The following STRBP variants were observed in gnomAD, a reference collection of about 807,000 sequenced individuals.
STRBP encodes spermatid perinuclear RNA binding protein.
STRBP carries 13 observed loss-of-function variants against 80.1 expected under a neutral mutation model. That is an observed-to-expected ratio of 0.16 (90% CI 0.11 to 0.26). The LOEUF is 0.26. Among genes scored for constraint, STRBP ranks in the 10% least tolerant of loss-of-function variants. The probability of loss-of-function intolerance (pLI) is 1.00; values close to 1 mark genes in which losing one functional copy is unlikely to be tolerated. For missense variants in STRBP, 485 were observed against 815.2 expected (o/e 0.59, Z 4.93); for synonymous variants, 284 against 291.2 (o/e 0.98, Z 0.25).
At chr9:123,156,251 A>T (rs2037279457) in intron 11 of STRBP, among the ~76,000 whole-genome samples, 1 of 152,190 alleles carries the variant, frequency 6.6e-6, no homozygotes, top group African/African-American at 2.4e-5. Flanking sequence ...TTCAATGCAC[A>T]GACAATGCTT....
At position 123,204,142 on chromosome 9, in the gene STRBP, AAC is replaced by A. The variant is rs779417747; in HGVS notation, c.-164-19846_-164-19845del. Among the ~76,000 whole-genome samples, 7 of 152,232 alleles carry A rather than the reference AAC, an allele frequency of 4.6e-5. No homozygotes were observed. In the East Asian group the frequency reaches 1.2e-3, roughly 25 times the overall value. On this transcript the variant is annotated intron_variant, in intron 2 of 18. Transcript: ENST00000348403. The stretch of plus-strand genomic sequence containing the variant: ...AAAACAATGTCTGGCACAAAAGAGA[AAC>A]ACAAACGAATTTCTCAAAATATTTT...
At chr9:123,157,942 G>A (rs753808213) in intron 11 of STRBP, 70 bp downstream of exon 11, 2 of 1,095,616 alleles carry the variant, frequency 1.8e-6, no homozygotes, top group Non-Finnish European at 2.8e-6. Flanking sequence ...AAGTTGTAAT[G>A]AGAGATGAAT....
At chr9:123,236,212 A>C (rs1237274351) in intron 2 of STRBP, among the ~76,000 whole-genome samples, 1 of 152,206 alleles carries the variant, frequency 6.6e-6, no homozygotes, top group Non-Finnish European at 1.5e-5. Flanking sequence ...TAGTACAGCA[A>C]AATTATTGGT....
At position 123,110,998 on chromosome 9, in the gene STRBP, A is replaced by G. The variant is rs1266092122; in HGVS notation, c.*85-1245T>C. On this transcript the variant is annotated intron_variant and NMD_transcript_variant, in intron 3 of 3. Transcript: ENST00000471564. The surrounding 1 kb of genome is among the most constrained non-coding windows in gnomAD (Gnocchi z 4.1). ...TGACCATGAAAAGTGATCGGGGGTAAGTAGAGGGATGCGTCTAATGGCAGC... is the reference window on the plus strand; with the variant it reads ...TGACCATGAAAAGTGATCGGGGGTAGGTAGAGGGATGCGTCTAATGGCAGC... 6.0e-6 allele frequency: 1 copy of G among 167,608 alleles called. No individual in the cohort carries two copies. Among genetic ancestry groups the G allele is most frequent in the Non-Finnish European group, 1.5e-5 (1 of 68,184 alleles). The allele number at this position is 167,608 out of a possible 1,614,324, so 10.4% of individuals were successfully genotyped here. A position where few individuals can be genotyped will look rare whatever the true frequency, so the allele number is the denominator to read the frequency against.
In STRBP at chr9:123,160,987, T is replaced by C. The variant is rs1312269921; in HGVS notation, c.617A>G (p.Lys206Arg). Residue 206 changes from lysine to arginine, a missense_variant, in exon 7 of 19, where the codon AAA becomes AGA. Coordinates refer to ENST00000348403, the MANE Select transcript of STRBP (RefSeq NM_018387.5). ...TAAGAAAAAGCCAACCTGAAACCAT[T>C]TGGCATGTCGAAGAGACGCCAAGGC... is the stretch of plus-strand genomic sequence containing the variant. ...LNALASLRHA[K>R]WFQARANGLK... 1.3e-6 allele frequency: 2 copies of C among 1,585,002 alleles called. No homozygotes were observed. The highest frequency in any genetic ancestry group is 8.5e-7 in the Non-Finnish European group (1 of 1,172,640).
intron 2 of STRBP, among the ~76,000 whole-genome samples, chr9:123,224,559 G>T (rs16926278): frequency 2.6e-5 from 4 of 152,078 alleles, no homozygotes; most frequent in Non-Finnish European, 5.9e-5. Context: ...CATTTACTAC[G>T]TGTTCTAGGC....
At chr9:123,188,441 AC>A (rs2038788727) in intron 2 of STRBP, among the ~76,000 whole-genome samples, 1 of 152,120 alleles carries the variant, frequency 6.6e-6, no homozygotes, top group South Asian at 2.1e-4. Context: ...GAAGATCGAG[AC>A]CATCCTGGCT....
intron 2 of STRBP, among the ~76,000 whole-genome samples, chr9:123,235,196 T>C (rs2040520021): frequency 6.6e-6 from 1 of 152,062 alleles, no homozygotes; most frequent in African/African-American, 2.4e-5. Context: ...CAGCATTCCT[T>C]GTCTGTGGTA....
At chr9:123,253,645 T>C (rs2040961725) in intron 1 of STRBP, among the ~76,000 whole-genome samples, 2 of 152,252 alleles carry the variant, frequency 1.3e-5, no homozygotes, top group South Asian at 2.1e-4. Context: ...AGTGTGAAGA[T>C]TAACAATAAT....
At chr9:123,120,483 G>A (rs1359635684), downstream of STRBP, among the ~76,000 whole-genome samples, 6 of 41,980 alleles carry the variant, frequency 1.4e-4, no homozygotes, top group East Asian at 9.0e-4. Context: ...AATTGCGGGC[G>A]GGGGGGTGGG....
intron 2 of STRBP, among the ~76,000 whole-genome samples, chr9:123,226,104 ACT>A (rs903730638): frequency 3.9e-5 from 6 of 152,154 alleles, no homozygotes; most frequent in Admixed American, 1.3e-4. Context: ...AAAGAAATGC[ACT>A]CCTGATACAT....
At chr9:123,207,839 A>G (rs2039575952) in intron 2 of STRBP, among the ~76,000 whole-genome samples, 1 of 152,250 alleles carries the variant, frequency 6.6e-6, no homozygotes, top group African/African-American at 2.4e-5. Flanking sequence ...GTAAAACATT[A>G]GAATATGAGA....
intron 13 of STRBP, among the ~76,000 whole-genome samples, chr9:123,145,990 G>A (rs1241739776): frequency 6.6e-6 from 1 of 151,732 alleles, no homozygotes; most frequent in Non-Finnish European, 1.5e-5. Context: ...CTCCATGAGA[G>A]CAGGAACTTT....
chr9:123,257,578 A>G (rs1281223663), intron 1 of STRBP, among the ~76,000 whole-genome samples: 2 of 152,330 alleles, frequency 1.3e-5, no homozygotes, highest in East Asian at 1.9e-4. Context: ...GCTTTGGGAT[A>G]CCCAGGCAGG....
chr9:123,258,541 C>T (rs548649309), intron 1 of STRBP, among the ~76,000 whole-genome samples: 10 of 152,268 alleles, frequency 6.6e-5, no homozygotes, highest in East Asian at 1.9e-4. Flanking sequence ...TGGTGGCTCA[C>T]GCCTGTAATC....
chr9:123,195,383 TTC>T (rs2132494564), intron 2 of STRBP, among the ~76,000 whole-genome samples: 1 of 152,268 alleles, frequency 6.6e-6, no homozygotes, highest in African/African-American at 2.4e-5. Flanking sequence ...ATAAGGAGCA[TTC>T]AAATTGGAAA....
intron 2 of STRBP, among the ~76,000 whole-genome samples, chr9:123,210,919 C>A (rs2039685996): frequency 6.6e-6 from 1 of 151,886 alleles, no homozygotes; most frequent in South Asian, 2.1e-4. Context: ...TCTAAAAATA[C>A]CAAGAACTGG....
Position 123,170,181 on chromosome 9 carries a change from A to T in STRBP, c.391-135T>A, listed in dbSNP as rs539635490. 3 of 753,682 alleles carry T rather than the reference A, an allele frequency of 4.0e-6. No homozygotes were observed. The East Asian group carries it at 1.1e-4, about 27-fold the overall frequency. The allele number at this position is 753,682 out of a possible 1,614,324, so 46.7% of individuals were successfully genotyped here. A position where few individuals can be genotyped will look rare whatever the true frequency, so the allele number is the denominator to read the frequency against. On this transcript the variant is annotated intron_variant, in intron 5 of 18. Transcript: ENST00000348403. ...TGCTCAAAGGGCAAAGAAAGCCTGT[A>T]ACTAGTTCTTTACTGGGGATAACAC...
intron 4 of STRBP, among the ~76,000 whole-genome samples, chr9:123,174,087 T>C (rs2038119555): frequency 6.6e-6 from 1 of 152,214 alleles, no homozygotes; most frequent in African/African-American, 2.4e-5. Context: ...TTATATTGCT[T>C]AAGAAAACTC....
Sources: allele counts gnomAD v4.1 joint callset (sites outside exome capture counted in the v4.1 genomes callset), GRCh38; gene constraint gnomAD v4.1.1; non-coding constraint Gnocchi (gnomAD v3.1); transcripts MANE v1.5; gene names NCBI Gene and HGNC (gene_info 2026-07-23, HGNC 2026-07-21).